Variants in MAPK8IP3 observed in about 807,000 individuals in gnomAD.
MAPK8IP3 encodes C-Jun-amino-terminal kinase-interacting protein 3.
MAPK8IP3 carries 49 observed loss-of-function variants against 157.8 expected under a neutral mutation model. The ratio of observed to expected loss-of-function variants is 0.31; its 90% CI spans 0.25 to 0.39. The LOEUF (loss-of-function observed/expected upper bound fraction) is 0.39, where lower values mean the gene tolerates loss of function less well. Ranked by LOEUF, MAPK8IP3 falls within the 10% of genes least tolerant of loss-of-function variation. The pLI is 1.00. For missense variants in MAPK8IP3, 1,478 were observed against 1,889.4 expected (o/e 0.78, Z 4.04); for synonymous variants, 897 against 777.7 (o/e 1.15, Z -2.55).
intron 2 of MAPK8IP3, 36 bp from the exon 3 acceptor site, chr16:1,729,102 G>T (rs535889304): frequency 6.3e-7 from 1 of 1,599,996 alleles, no homozygotes; most frequent in Admixed American, 1.7e-5. Flanking sequence ...ATGGAGAAGC[G>T]TCTTGTGCGG....
rs1003784162 is a variant in MAPK8IP3, at chr16:1,741,288, G to T, written c.603-2044G>T. Among the ~76,000 whole-genome samples, 36 of 152,160 alleles carry T rather than the reference G, an allele frequency of 2.4e-4. No homozygotes were observed. The highest frequency in any genetic ancestry group is 8.7e-4 in the African/African-American group (36 of 41,438). The stretch of plus-strand genomic sequence containing the variant: ...CAAATCGGGAGGACGGGGTCAGTCG[G>T]CAAACGCTCACGAGCCTGAGGCCAG... On this transcript the variant is annotated intron_variant, in intron 4 of 31. Coordinates refer to ENST00000610761, the MANE Select transcript of MAPK8IP3 (RefSeq NM_001318852.2). This position sits in a 1 kb window ranked among gnomAD's most constrained non-coding sequence, Gnocchi z 6.9.
rs58933347 is a variant in MAPK8IP3, at chr16:1,730,044, CAAAAAAAAAAAAA to C, written c.602+483_602+495del. On this transcript the variant is annotated intron_variant, in intron 4 of 31. Coordinates refer to ENST00000610761, the MANE Select transcript of MAPK8IP3 (RefSeq NM_001318852.2). ...GGCAACCAGCAAGATCTTGTCTCTA[CAAAAAAAAAAAAA>C]AAAAAAAAAAAAAAAATTGTTTAAA... Among the ~76,000 whole-genome samples, 10 of 46,986 alleles carry C rather than the reference CAAAAAAAAAAAAA, an allele frequency of 2.1e-4. No homozygotes were observed. In the East Asian group the frequency reaches 2.3e-3, roughly 11 times the overall value. The allele number at this position is 46,986 out of a possible 152,430, so 30.8% of individuals were successfully genotyped here. A position where few individuals can be genotyped will look rare whatever the true frequency, so the allele number is the denominator to read the frequency against.
intron 1 of MAPK8IP3, among the ~76,000 whole-genome samples, chr16:1,716,221 A>G (rs911675510): frequency 1.3e-5 from 2 of 152,112 alleles, no homozygotes; most frequent in East Asian, 3.9e-4. Flanking sequence ...GTTTACATAT[A>G]AAAGGAAGGA....
chr16:1,729,620 G>A (rs761866502), intron 4 of MAPK8IP3, 42 bp downstream of exon 4: 4 of 1,537,730 alleles, frequency 2.6e-6, no homozygotes, highest in South Asian at 1.2e-5. Flanking sequence ...GGGGCGCGGC[G>A]GGGCGGAGGT....
intron 11 of MAPK8IP3, 174 bp downstream of exon 11, chr16:1,760,189 G>T (rs761082692): frequency 5.2e-6 from 5 of 962,432 alleles, no homozygotes; most frequent in Non-Finnish European, 7.7e-6. Flanking sequence ...TCTTTACGAA[G>T]CTTGTCTCCA....
chr16:1,724,222 G>A lies in MAPK8IP3; in HGVS notation c.319-335G>A, dbSNP rs1390098173. Among the ~76,000 whole-genome samples the A allele has an allele frequency of 2.6e-5, 4 of 152,364 alleles. No individual in the cohort carries two copies. Among genetic ancestry groups the A allele is most frequent in the Middle Eastern group, 3.4e-3 (1 of 294 alleles). On this transcript the variant is annotated intron_variant, in intron 1 of 31. Transcript: ENST00000610761. The surrounding 1 kb of genome is among the most constrained non-coding windows in gnomAD (Gnocchi z 4.1). Reference sequence around the variant, plus strand: ...TTGGGCCTTCTGAGTGCAGGGCCCCGCATTGCTGCCCGGGTCTCATGCAGC... The same window carrying A: ...TTGGGCCTTCTGAGTGCAGGGCCCCACATTGCTGCCCGGGTCTCATGCAGC...
chr16:1,721,881 T>C (rs2038548448), intron 1 of MAPK8IP3, among the ~76,000 whole-genome samples: 1 of 152,206 alleles, frequency 6.6e-6, no homozygotes, highest in African/African-American at 2.4e-5. Context: ...GTGATTCTCC[T>C]GCCTCGCCCT....
At chr16:1,765,887 T>G (rs1008521761) in intron 20 of MAPK8IP3, 73 bp from the exon 21 acceptor site, 19 of 1,386,210 alleles carry the variant, frequency 1.4e-5, no homozygotes, top group Admixed American at 4.3e-5. Context: ...CCTCTGCCCC[T>G]GTGTAAGTGC....
Position 1,724,562 on chromosome 16 carries a change from C to A in MAPK8IP3, c.324C>A (p.Phe108Leu), listed in dbSNP as rs1357488193. Residue 108 changes from phenylalanine to leucine, a missense_variant, in exon 2 of 32, where the codon TTC (phenylalanine) becomes TTA (leucine). Phe to Leu is a conservative substitution (Grantham distance 22). This residue lies in a region of MAPK8IP3 where 65 missense variants were observed against 161.8 expected (regional missense o/e 0.40). Coordinates refer to ENST00000610761, the MANE Select transcript of MAPK8IP3 (RefSeq NM_001318852.2). The surrounding 1 kb of genome is among the most constrained non-coding windows in gnomAD (Gnocchi z 4.1). ...KALRRQAEEK[F>L]IEFEDALEQE... ...TCCCTCCCTTCCATGCACAGAAATT[C>A]ATTGAGTTTGAAGATGCTCTGGAAC... 1 of 1,613,214 alleles carries A rather than the reference C, an allele frequency of 6.2e-7. No homozygotes were observed. Among genetic ancestry groups the A allele is most frequent in the Non-Finnish European group, 8.5e-7 (1 of 1,179,878 alleles).
In MAPK8IP3 at chr16:1,743,743, C is replaced by T. The variant is rs558302410; in HGVS notation, c.747+267C>T. The T allele has an allele frequency of 6.4e-5, 87 of 1,351,834 alleles. 1 individual carries two copies. In the Middle Eastern group the frequency reaches 1.1e-3, roughly 17 times the overall value. The allele number at this position is 1,351,834 out of a possible 1,614,324, so 83.7% of individuals were successfully genotyped here. On this transcript the variant is annotated intron_variant, in intron 5 of 31. Transcript: ENST00000610761. The surrounding 1 kb of genome is among the most constrained non-coding windows in gnomAD (Gnocchi z 5.6). ...TAGACCTCCCTGCCCTTGGATAGACCGCTCTGTAGCCAGGGGTGTACAGTG... is the reference window on the plus strand; with the variant it reads ...TAGACCTCCCTGCCCTTGGATAGACTGCTCTGTAGCCAGGGGTGTACAGTG...
chr16:1,757,106 G>A (rs926030732), intron 8 of MAPK8IP3, among the ~76,000 whole-genome samples: 4 of 152,054 alleles, frequency 2.6e-5, no homozygotes, highest in Admixed American at 2.0e-4. Flanking sequence ...TAAATCAAGT[G>A]ACATTTTTTT....
rs147621787 is a variant in MAPK8IP3 at position 1,757,293 on chromosome 16, A to G, written c.1217-855A>G. Among the ~76,000 whole-genome samples the G allele has an allele frequency of 4.3e-3, 658 of 152,018 alleles. 4 individuals are homozygous for G. The highest frequency in any genetic ancestry group is 0.015 in the African/African-American group (635 of 41,462). On this transcript the variant is annotated intron_variant, in intron 8 of 31. Transcript: ENST00000610761. ...CTGATTTTTTGTATTTTTAGTAGAGACGGGGTTTCACCGCATTAGCCAGGA... is the reference window on the plus strand; with the variant it reads ...CTGATTTTTTGTATTTTTAGTAGAGGCGGGGTTTCACCGCATTAGCCAGGA...
chr16:1,757,679 C>T (rs2041689407), intron 8 of MAPK8IP3, among the ~76,000 whole-genome samples: 1 of 152,214 alleles, frequency 6.6e-6, no homozygotes, highest in Admixed American at 6.5e-5. Flanking sequence ...TCCTGCCCTA[C>T]CCAGGCTGAC....
At chr16:1,754,855 A>G (rs997071829) in intron 8 of MAPK8IP3, among the ~76,000 whole-genome samples, 8 of 152,300 alleles carry the variant, frequency 5.3e-5, no homozygotes, top group Admixed American at 2.0e-4. Flanking sequence ...GACATAAAAG[A>G]AGCTGTACAC....
At chr16:1,725,061 G>T (rs1418600418) in intron 2 of MAPK8IP3, among the ~76,000 whole-genome samples, 1 of 152,112 alleles carries the variant, frequency 6.6e-6, no homozygotes, top group East Asian at 1.9e-4. Context: ...GGGCCCGCTG[G>T]TGTAGCCCCA....
intron 4 of MAPK8IP3, among the ~76,000 whole-genome samples, chr16:1,736,613 A>G (rs2039873212): frequency 1.8e-5 from 1 of 54,056 alleles, no homozygotes; most frequent in African/African-American, 7.4e-5. Context: ...CATCCGTGTG[A>G]CCGTCCGTGT....
At chr16:1,767,392 T>C (rs2042335500) in intron 26 of MAPK8IP3, 95 bp downstream of exon 26, 3 of 1,553,612 alleles carry the variant, frequency 1.9e-6, no homozygotes, top group African/African-American at 2.7e-5. Context: ...AGGCCCTACG[T>C]GGGTCCCATC....
intron 5 of MAPK8IP3, 65 bp from the exon 6 acceptor site, chr16:1,746,964 C>T (rs956491394): frequency 1.1e-5 from 17 of 1,562,414 alleles, no homozygotes; most frequent in African/African-American, 1.4e-5. Context: ...CAGGCAGCCA[C>T]GGCGGAGCCG....
At chr16:1,719,935 T>G (rs953846213) in intron 1 of MAPK8IP3, among the ~76,000 whole-genome samples, 2 of 152,138 alleles carry the variant, frequency 1.3e-5, no homozygotes, top group East Asian at 1.9e-4. Flanking sequence ...GGGGGAAGTG[T>G]AAGTTGGGAC....
Sources: gnomAD v4.1 joint callset for allele counts (sites outside exome capture counted in the v4.1 genomes callset) on GRCh38, gnomAD v4.1.1 for gene constraint, gnomAD v4.1.1 regional missense constraint, Gnocchi (gnomAD v3.1) non-coding constraint, MANE v1.5 for transcripts, NCBI Gene and HGNC (gene_info 2026-07-23, HGNC 2026-07-21) for gene names.